PRKN: variants seen among roughly 807,000 people sequenced by gnomAD.
PRKN encodes parkin RBR E3 ubiquitin protein ligase.
PRKN carries 56 observed loss-of-function variants against 59.5 expected under a neutral mutation model. That is an observed-to-expected ratio of 0.94 (90% CI 0.76 to 1.18). The LOEUF (loss-of-function observed/expected upper bound fraction) is 1.18. Ranked by LOEUF, PRKN falls within the 50% of genes most tolerant of loss-of-function variation. PRKN has a pLI of 0.00. For missense variants in PRKN, 657 were observed against 596.4 expected, an observed-to-expected ratio of 1.10 and a Z score of -1.06; for synonymous variants, 250 against 222.1, an observed-to-expected ratio of 1.13 and a Z score of -1.12.
chr6:162,021,459 ATATTTTT>A (rs1423691610), intron 5 of PRKN, among the ~76,000 whole-genome samples: 739 of 33,888 alleles, frequency 0.022, 5 homozygotes, highest in Admixed American at 0.061. Context: ...ATATATATAT[ATATTTTT>A]TTTTTTTTTT....
chr6:162,508,741 C>T (rs1462745456), intron 1 of PRKN, among the ~76,000 whole-genome samples: 1 of 152,044 alleles, frequency 6.6e-6, no homozygotes, highest in African/African-American at 2.4e-5. Context: ...AAGCCTCTAT[C>T]TAATACTAGA....
At chr6:162,083,129 A>G (rs1273284551) in intron 4 of PRKN, among the ~76,000 whole-genome samples, 1 of 151,860 alleles carries the variant, frequency 6.6e-6, no homozygotes, top group Non-Finnish European at 1.5e-5. Flanking sequence ...CAGTTTTGGG[A>G]CTTTTAATAG....
chr6:162,692,872 A>G (rs1026714207), intron 1 of PRKN, among the ~76,000 whole-genome samples: 1 of 152,166 alleles, frequency 6.6e-6, no homozygotes, highest in African/African-American at 2.4e-5. Context: ...TGAACCCGAG[A>G]GACAAACTAG....
chr6:162,645,974 A>AAGCAG (rs1778164016), intron 1 of PRKN, among the ~76,000 whole-genome samples: 1 of 145,552 alleles, frequency 6.9e-6, no homozygotes. Flanking sequence ...TCCTGGGTTC[A>AAGCAG]TGCCACTCTC....
Position 162,533,547 on chromosome 6 carries a change from A to G in PRKN, c.8-90074T>C. Among the ~76,000 whole-genome samples, 2 of 152,058 alleles carry G rather than the reference A, an allele frequency of 1.3e-5. 1 individual carries two copies. The highest frequency in any genetic ancestry group is 2.9e-5 in the Non-Finnish European group (2 of 68,006). On this transcript the variant is annotated intron_variant, in intron 1 of 11. Transcript: ENST00000366898. ...CGTCTCAAAAAAAGACAAAAAATCC[A>G]TCTTCAATAGAGGCAATGTGGTGCA... is the stretch of plus-strand genomic sequence containing the variant.
intron 2 of PRKN, among the ~76,000 whole-genome samples, chr6:162,387,636 C>G (rs1786921610): frequency 6.7e-6 from 1 of 149,284 alleles, no homozygotes; most frequent in Non-Finnish European, 1.5e-5. Context: ...CAAATAGTCC[C>G]TAAGGTTCTT....
In PRKN at chr6:161,529,630, G is replaced by A. The variant is rs770683750; in HGVS notation, c.1083+19224C>T. On this transcript the variant is annotated intron_variant, in intron 9 of 11. Transcript: ENST00000366898. This position sits in a 1 kb window ranked among gnomAD's most constrained non-coding sequence, Gnocchi z 4.4. ...AAGTATAGTCTACTCATAGGATTAC[G>A]GCAACTCAGTTTAAGTGAGGCTGTT... 5.3e-5 allele frequency among the ~76,000 whole-genome samples: 8 copies of A among 152,068 alleles called. No homozygotes were observed. Among genetic ancestry groups the A allele is most frequent in the Non-Finnish European group, 1.0e-4 (7 of 68,032 alleles).
In PRKN at chr6:161,529,533, T is replaced by C. The variant is rs1387878155; in HGVS notation, c.1083+19321A>G. On this transcript the variant is annotated intron_variant, in intron 9 of 11. Coordinates refer to ENST00000366898, the MANE Select transcript of PRKN (RefSeq NM_004562.3). The surrounding 1 kb of genome is among the most constrained non-coding windows in gnomAD (Gnocchi z 4.4). The stretch of plus-strand genomic sequence containing the variant: ...ATCTCACAGCAATGGGACAGAGAAA[T>C]GGCTGGTTTCTCTTCAAACTCACAC... 6.6e-6 allele frequency among the ~76,000 whole-genome samples: 1 copy of C among 152,128 alleles called. No individual in the cohort carries two copies.
chr6:162,313,883 G>T (rs1214667644), intron 2 of PRKN, among the ~76,000 whole-genome samples: 1 of 152,110 alleles, frequency 6.6e-6, no homozygotes, highest in African/African-American at 2.4e-5. Context: ...GTGAACGTGG[G>T]TATGTAAAAT....
intron 6 of PRKN, among the ~76,000 whole-genome samples, chr6:161,864,939 C>A (rs920000053): frequency 3.9e-5 from 6 of 152,142 alleles, no homozygotes; most frequent in African/African-American, 1.2e-4. Context: ...CAGGCGTGAA[C>A]CATCGTGCCC....
Position 161,393,791 on chromosome 6 carries a change from C to T in PRKN, c.1084-6914G>A, listed in dbSNP as rs763787592. Among the ~76,000 whole-genome samples, 7 of 152,136 alleles carry T rather than the reference C, an allele frequency of 4.6e-5. No homozygotes were observed. The highest frequency in any genetic ancestry group is 7.3e-5 in the Non-Finnish European group (5 of 68,032). ...TCTTTGTGCCTGTTTTCTATCATGG[C>T]TGCATCTATTATAAAAGCATTCTAT... is the stretch of plus-strand genomic sequence containing the variant. On this transcript the variant is annotated intron_variant, in intron 9 of 11. Coordinates refer to ENST00000366898, the MANE Select transcript of PRKN (RefSeq NM_004562.3). The surrounding 1 kb of genome is among the most constrained non-coding windows in gnomAD (Gnocchi z 4.7).
rs934212265 is a variant in PRKN at position 161,445,681 on chromosome 6, G to A, written c.1084-58804C>T. On this transcript the variant is annotated intron_variant, in intron 9 of 11. Transcript: ENST00000366898. This position sits in a 1 kb window ranked among gnomAD's most constrained non-coding sequence, Gnocchi z 7.7. ...GCCAGCTGCCCCGCACCAGGTCTGC[G>A]TGTCACAGGGCAGAGTGCATGGTCT... 3.9e-5 allele frequency among the ~76,000 whole-genome samples: 6 copies of A among 152,210 alleles called. No homozygotes were observed. Among genetic ancestry groups the A allele is most frequent in the African/African-American group, 9.6e-5 (4 of 41,458 alleles).
At chr6:162,397,628 CGT>C (rs1256505282) in intron 2 of PRKN, among the ~76,000 whole-genome samples, 1 of 152,084 alleles carries the variant, frequency 6.6e-6, no homozygotes, top group Non-Finnish European at 1.5e-5. Context: ...CTTCCAGCAG[CGT>C]TAAGGAGGTC....
chr6:162,317,894 G>C (rs1782817903), intron 2 of PRKN, among the ~76,000 whole-genome samples: 1 of 151,682 alleles, frequency 6.6e-6, no homozygotes, highest in African/African-American at 2.4e-5. Context: ...TATTGGTTCT[G>C]AAGTTTTTTT....
intron 5 of PRKN, among the ~76,000 whole-genome samples, chr6:162,006,519 T>TTCATCTTAGAAATCGTTTTTTATCATAAA (rs1782261225): frequency 6.6e-6 from 1 of 152,184 alleles, no homozygotes; most frequent in Non-Finnish European, 1.5e-5. Context: ...CCAGATTTCT[T>TTCATCTTAGAAATCGTTTTTTATCATAAA]GCCATGGTCT....
intron 2 of PRKN, among the ~76,000 whole-genome samples, chr6:162,339,303 C>A (rs1218934580): frequency 7.0e-6 from 1 of 143,504 alleles, no homozygotes; most frequent in African/African-American, 2.6e-5. Context: ...GGGGGTCAGC[C>A]CCCCGCCCGG....
intron 1 of PRKN, among the ~76,000 whole-genome samples, chr6:162,464,658 AC>A (rs1376065219): frequency 1.2e-4 from 16 of 130,492 alleles, no homozygotes; most frequent in African/African-American, 4.3e-4. Context: ...TACTAAAAAT[AC>A]AAAAAAAAAA....
intron 1 of PRKN, among the ~76,000 whole-genome samples, chr6:162,488,707 G>C (rs1022051751): frequency 4.6e-5 from 7 of 152,164 alleles, no homozygotes; most frequent in African/African-American, 1.7e-4. Flanking sequence ...TGTGAGAACA[G>C]CACGAGCAGG....
intron 6 of PRKN, among the ~76,000 whole-genome samples, chr6:161,954,529 A>C (rs1780101434): frequency 6.6e-6 from 1 of 152,204 alleles, no homozygotes; most frequent in South Asian, 2.1e-4. Context: ...AATATTTCTG[A>C]AATCATATTG....
Sources: allele counts gnomAD v4.1 joint callset (sites outside exome capture counted in the v4.1 genomes callset), GRCh38; gene constraint gnomAD v4.1.1; non-coding constraint Gnocchi (gnomAD v3.1); transcripts MANE v1.5; gene names NCBI Gene and HGNC (gene_info 2026-07-23, HGNC 2026-07-21).